The following CADPS2 variants were observed in gnomAD, a reference collection of about 807,000 sequenced individuals.
CADPS2 encodes the protein calcium dependent secretion activator 2.
Under a neutral mutation model 172.5 loss-of-function variants are expected in CADPS2, and 93 were observed. That is an observed-to-expected ratio of 0.54 (90% CI 0.46 to 0.64). The LOEUF (loss-of-function observed/expected upper bound fraction) is 0.64, where lower values mean the gene tolerates loss of function less well. CADPS2 is among the 30% of genes least tolerant of loss of function. CADPS2 has a pLI of 0.00. For missense variants in CADPS2, 1,420 were observed against 1,565.9 expected (o/e 0.91, Z 1.57); for synonymous variants, 546 against 555.2 (o/e 0.98, Z 0.23).
chr7:122,330,350 A>G (rs2150799619), intron 28 of CADPS2, among the ~76,000 whole-genome samples: 1 of 152,342 alleles, frequency 6.6e-6, no homozygotes. Context: ...GCAACAAAAT[A>G]TTTAGAAACA....
intron 8 of CADPS2, among the ~76,000 whole-genome samples, chr7:122,520,534 A>T (rs1040276018): frequency 6.6e-6 from 1 of 152,110 alleles, no homozygotes; most frequent in African/African-American, 2.4e-5. Flanking sequence ...GATTTAACTC[A>T]TCTTCATATC....
chr7:122,817,198 T>C (rs1563088917), intron 1 of CADPS2, among the ~76,000 whole-genome samples: 4 of 152,202 alleles, frequency 2.6e-5, no homozygotes, highest in African/African-American at 9.6e-5. Flanking sequence ...GTGACTCGGA[T>C]GGGGGGACCT....
intron 1 of CADPS2, among the ~76,000 whole-genome samples, chr7:122,830,832 T>C (rs560693260): frequency 6.6e-6 from 1 of 152,284 alleles, no homozygotes; most frequent in Admixed American, 6.5e-5. Context: ...CTTAATGCTT[T>C]CCATCTGCAA....
At chr7:122,876,955 T>C (rs1821377398) in intron 1 of CADPS2, among the ~76,000 whole-genome samples, 1 of 152,038 alleles carries the variant, frequency 6.6e-6, no homozygotes, top group African/African-American at 2.4e-5. Context: ...CTAGAGCACA[T>C]ATAAAGGTAA....
chr7:122,482,286 C>G (rs1177343550), intron 11 of CADPS2, among the ~76,000 whole-genome samples: 5 of 152,094 alleles, frequency 3.3e-5, no homozygotes, highest in African/African-American at 7.2e-5. Context: ...CAACCCTACC[C>G]TCTGGGACAT....
At chr7:122,471,910 AGAC>A (rs1379797011) in intron 13 of CADPS2, among the ~76,000 whole-genome samples, 1 of 152,262 alleles carries the variant, frequency 6.6e-6, no homozygotes, top group Non-Finnish European at 1.5e-5. Context: ...AATTAAAAAA[AGAC>A]GACATTATAG....
At chr7:122,772,650 G>A (rs910141109) in intron 1 of CADPS2, among the ~76,000 whole-genome samples, 1 of 151,988 alleles carries the variant, frequency 6.6e-6, no homozygotes. Context: ...ACAAAAAAAA[G>A]GGCTCAAAGA....
intron 20 of CADPS2, among the ~76,000 whole-genome samples, chr7:122,404,854 G>A (rs141676037): frequency 0.03 from 4,608 of 152,148 alleles, 218 homozygotes; most frequent in African/African-American, 0.1. Flanking sequence ...GGCCGGGCGC[G>A]GTGGCTCATG....
chr7:122,639,659 T>A (rs780476352), intron 3 of CADPS2, among the ~76,000 whole-genome samples: 36 of 152,284 alleles, frequency 2.4e-4, no homozygotes, highest in Middle Eastern at 3.4e-3. Flanking sequence ...TCCACCTCCC[T>A]CTAGCCAGTC....
At chr7:122,808,648 A>G (rs529116959) in intron 1 of CADPS2, among the ~76,000 whole-genome samples, 10 of 152,346 alleles carry the variant, frequency 6.6e-5, no homozygotes, top group Non-Finnish European at 1.3e-4. Context: ...CAGTTCAGAT[A>G]TCTCTGAACA....
At chr7:122,331,802 C>T (rs1207754506) in intron 28 of CADPS2, 1 of 152,186 alleles carries the variant, frequency 6.6e-6, no homozygotes, top group East Asian at 1.9e-4. Context: ...CAAGTTTATA[C>T]AATGAGTATG....
chr7:122,325,269 T>C (rs1383443607), intron 29 of CADPS2, among the ~76,000 whole-genome samples: 1 of 152,148 alleles, frequency 6.6e-6, no homozygotes, highest in African/African-American at 2.4e-5. Flanking sequence ...CTGTGAGTAT[T>C]TGCTAGCAAA....
Position 122,385,661 on chromosome 7 carries a change from G to T in CADPS2, c.3312+1365C>A, listed in dbSNP as rs908195887. On this transcript the variant is annotated intron_variant, in intron 24 of 29. Transcript: ENST00000449022. ...GGATTCTGGGGTAGTATTTTAGGAC[G>T]AACTGTTGTGGAGGAGGGCAGAAGT... 3.9e-5 allele frequency among the ~76,000 whole-genome samples: 6 copies of T among 151,948 alleles called. No individual in the cohort carries two copies. The East Asian group carries it at 9.7e-4, about 25-fold the overall frequency.
intron 2 of CADPS2, among the ~76,000 whole-genome samples, chr7:122,724,920 TAC>T (rs1426608913): frequency 6.6e-6 from 1 of 152,000 alleles, no homozygotes; most frequent in Non-Finnish European, 1.5e-5. Flanking sequence ...TCCATACGAT[TAC>T]AGAGAAAAGC....
intron 1 of CADPS2, among the ~76,000 whole-genome samples, chr7:122,811,144 C>T (rs1479957633): frequency 1.3e-5 from 2 of 152,202 alleles, no homozygotes; most frequent in African/African-American, 2.4e-5. Flanking sequence ...CCACCATTTT[C>T]TGAACATATG....
chr7:122,351,185 T>G (rs2038516085), intron 27 of CADPS2, among the ~76,000 whole-genome samples: 1 of 151,034 alleles, frequency 6.6e-6, no homozygotes, highest in African/African-American at 2.4e-5. Context: ...GCTAACACGG[T>G]GTGTTACTAA....
At chr7:122,726,773 C>A (rs202140194) in intron 2 of CADPS2, among the ~76,000 whole-genome samples, 2,040 of 128,778 alleles carry the variant, frequency 0.016, no homozygotes, top group Non-Finnish European at 0.019. Flanking sequence ...CTTCCTGATA[C>A]AAAAAAAAAA....
chr7:122,762,641 T>A lies in CADPS2; in HGVS notation c.340-25573A>T, dbSNP rs184952160. 2.0e-3 allele frequency among the ~76,000 whole-genome samples: 300 copies of A among 152,192 alleles called. 1 individual carries two copies. Among genetic ancestry groups the A allele is most frequent in the African/African-American group, 6.9e-3 (285 of 41,520 alleles). ...TTAAAAAGTATTTCTCCCATGCACC[T>A]CTCTCAAGAAAGAGGATAATAAAGT... is the stretch of plus-strand genomic sequence containing the variant. On this transcript the variant is annotated intron_variant, in intron 1 of 29. Coordinates refer to ENST00000449022, the MANE Select transcript of CADPS2 (RefSeq NM_017954.11).
chr7:122,843,027 A>G (rs983769683), intron 1 of CADPS2, among the ~76,000 whole-genome samples: 15 of 152,248 alleles, frequency 9.9e-5, no homozygotes, highest in African/African-American at 3.1e-4. Flanking sequence ...ATGTGGAAGA[A>G]GACACAAGGG....
Sources: allele counts gnomAD v4.1 joint callset (sites outside exome capture counted in the v4.1 genomes callset), GRCh38; gene constraint gnomAD v4.1.1; transcripts MANE v1.5; gene names NCBI Gene and HGNC (gene_info 2026-07-23, HGNC 2026-07-21).